GPC3: variants seen among roughly 807,000 people sequenced by gnomAD.
GPC3 encodes the protein glypican 3.
In GPC3, 3 loss-of-function variants were observed where a neutral mutation model predicts 34.4. The observed-to-expected ratio is 0.09, with a 90% CI of 0.04 to 0.23. The LOEUF (loss-of-function observed/expected upper bound fraction) is 0.23. Among genes scored for constraint, GPC3 ranks in the 10% least tolerant of loss-of-function variants. The probability of loss-of-function intolerance (pLI) is 1.00; values close to 1 mark genes in which losing one functional copy is unlikely to be tolerated. For missense variants in GPC3, 351 were observed against 445.6 expected (o/e 0.79, Z 1.91); for synonymous variants, 177 against 174.0 (o/e 1.02, Z -0.13).
chrX:133,686,644 C>A (rs764828934), intron 5 of GPC3, among the ~76,000 whole-genome samples: 6 of 110,537 alleles, frequency 5.4e-5, no homozygotes, highest in Non-Finnish European at 1.1e-4. Flanking sequence ...ACAAGGTTTC[C>A]TTTTGGAGTG....
chrX:133,794,574 C>G (rs2075567818), intron 2 of GPC3, among the ~76,000 whole-genome samples: 1 of 111,765 alleles, frequency 8.9e-6, no homozygotes, highest in Admixed American at 9.5e-5. Context: ...TGCGGTGCTT[C>G]TTTTTCCTCC....
At chrX:133,886,341 C>G (rs2076061554) in intron 2 of GPC3, among the ~76,000 whole-genome samples, 1 of 104,174 alleles carries the variant, frequency 9.6e-6, no homozygotes, top group African/African-American at 3.5e-5. Context: ...AGACTCCTGT[C>G]CCTATTTTAA....
At chrX:133,934,670 C>T (rs375123120) in intron 2 of GPC3, among the ~76,000 whole-genome samples, 1 of 108,640 alleles carries the variant, frequency 9.2e-6, no homozygotes, top group East Asian at 2.9e-4. Context: ...TGCCACCACA[C>T]TCAGCTAATT....
intron 4 of GPC3, among the ~76,000 whole-genome samples, chrX:133,694,571 C>T (rs1047412161): frequency 9.1e-6 from 1 of 110,260 alleles, no homozygotes; most frequent in Non-Finnish European, 1.9e-5. Flanking sequence ...AAGTAATTCC[C>T]CCCACTCCAT....
intron 2 of GPC3, among the ~76,000 whole-genome samples, chrX:133,802,732 A>G (rs952267665): frequency 9.0e-5 from 10 of 111,061 alleles, no homozygotes; most frequent in African/African-American, 3.3e-4. Flanking sequence ...ATCACACACT[A>G]GTGACTGATC....
intron 2 of GPC3, among the ~76,000 whole-genome samples, chrX:133,806,774 G>A (rs2075638270): frequency 2.7e-5 from 3 of 109,528 alleles, no homozygotes; most frequent in African/African-American, 6.6e-5. Context: ...TCAGCCTCCC[G>A]AGTAGCTGGG....
intron 1 of GPC3, among the ~76,000 whole-genome samples, chrX:133,953,867 A>G (rs1210888013): frequency 8.9e-6 from 1 of 112,309 alleles, no homozygotes; most frequent in African/African-American, 3.2e-5. Context: ...GAGATAACAA[A>G]CAAACAAAAA....
intron 2 of GPC3, among the ~76,000 whole-genome samples, chrX:133,928,957 A>G (rs2076286625): frequency 9.0e-6 from 1 of 111,638 alleles, no homozygotes; most frequent in African/African-American, 3.3e-5. Context: ...ATGTAGTCCC[A>G]TTTACTTATT....
intron 2 of GPC3, chrX:133,763,740 A>C: frequency 2.2e-6 from 1 of 459,168 alleles, no homozygotes. Flanking sequence ...AAAAATAAAC[A>C]TCAGTTTCAA....
chrX:133,619,903 T>C (rs1237757463), intron 6 of GPC3, among the ~76,000 whole-genome samples: 1 of 110,743 alleles, frequency 9.0e-6, no homozygotes, highest in East Asian at 2.8e-4. Flanking sequence ...CTTCCTATTG[T>C]CTGGTGTTAA....
At chrX:133,629,123 G>A (rs186979561) in intron 6 of GPC3, among the ~76,000 whole-genome samples, 37 of 112,016 alleles carry the variant, frequency 3.3e-4, no homozygotes, top group African/African-American at 1.2e-3. Context: ...AAATAAAACC[G>A]TTATTATTTG....
intron 2 of GPC3, among the ~76,000 whole-genome samples, chrX:133,794,410 A>G (rs977371041): frequency 1.8e-5 from 2 of 112,178 alleles, no homozygotes; most frequent in Non-Finnish European, 3.8e-5. Context: ...TTAAGTTGCT[A>G]AGAAGAAATT....
chrX:133,909,815 C>A (rs1233381749), intron 2 of GPC3, among the ~76,000 whole-genome samples: 2 of 111,265 alleles, frequency 1.8e-5, no homozygotes, highest in African/African-American at 6.5e-5. Context: ...AACTGACAGA[C>A]ATTGACTCAA....
chrX:133,787,981 G>A (rs2072118926), intron 2 of GPC3, among the ~76,000 whole-genome samples: 4 of 106,146 alleles, frequency 3.8e-5, no homozygotes, highest in Non-Finnish European at 7.7e-5. Context: ...TTATTGCCAG[G>A]CACTGTGTTA....
intron 2 of GPC3, among the ~76,000 whole-genome samples, chrX:133,839,649 G>T (rs1448178191): frequency 9.0e-6 from 1 of 110,823 alleles, no homozygotes; most frequent in Non-Finnish European, 1.9e-5. Flanking sequence ...TCTCAGAACA[G>T]GCCTGGCGTG....
Position 133,936,209 on chromosome X carries a change from TATAATAATA to T in GPC3, c.337+16832_337+16840del, listed in dbSNP as rs58972441. Among the ~76,000 whole-genome samples, 14 of 99,447 alleles carry T rather than the reference TATAATAATA, an allele frequency of 1.4e-4. No individual in the cohort carries two copies. In the East Asian group the frequency reaches 1.8e-3, roughly 13 times the overall value. The allele number at this position is 99,447 out of a possible 115,157, so 86.4% of individuals were successfully genotyped here. A position where few individuals can be genotyped will look rare whatever the true frequency, so the allele number is the denominator to read the frequency against. ...GAAAATGCTGGGATTAAACTTAAAG[TATAATAATA>T]ATAATAATAATAATAATAAAGTGAA... On this transcript the variant is annotated intron_variant, in intron 2 of 7. Coordinates refer to ENST00000370818, the MANE Select transcript of GPC3 (RefSeq NM_004484.4).
At chrX:133,887,705 A>G (rs1450094871) in intron 2 of GPC3, among the ~76,000 whole-genome samples, 1 of 111,968 alleles carries the variant, frequency 8.9e-6, no homozygotes, top group East Asian at 2.8e-4. Context: ...CAGCAAATAT[A>G]TAGGTTAACC....
intron 6 of GPC3, among the ~76,000 whole-genome samples, chrX:133,617,595 G>A (rs1460258677): frequency 1.8e-5 from 2 of 111,917 alleles, no homozygotes; most frequent in African/African-American, 3.2e-5. Flanking sequence ...TTATCATTCC[G>A]GCTTTTTCAT....
chrX:133,967,663 C>T (rs1054508720), intron 1 of GPC3, among the ~76,000 whole-genome samples: 1 of 111,968 alleles, frequency 8.9e-6, no homozygotes, highest in South Asian at 3.7e-4. Context: ...GATTTTACTC[C>T]CGTTGCCCAG....
Sources: allele counts gnomAD v4.1 joint callset (sites outside exome capture counted in the v4.1 genomes callset), GRCh38; gene constraint gnomAD v4.1.1; transcripts MANE v1.5; gene names NCBI Gene and HGNC (gene_info 2026-07-23, HGNC 2026-07-21).